ABLIM1: variants seen among roughly 807,000 people sequenced by gnomAD.
The protein encoded by ABLIM1 is actin-binding LIM protein 1.
A neutral mutation model predicts 107.0 loss-of-function variants in ABLIM1; 40 were observed. The ratio of observed to expected loss-of-function variants is 0.37; its 90% CI spans 0.29 to 0.49. ABLIM1 has a LOEUF of 0.49. Ranked by LOEUF, ABLIM1 falls within the 20% of genes least tolerant of loss-of-function variation. The pLI, the probability that ABLIM1 is intolerant of heterozygous loss-of-function variation, is 0.97. For missense variants in ABLIM1, 857 were observed against 1,008.5 expected (o/e 0.85, Z 2.04); for synonymous variants, 357 against 357.3 (o/e 1.00, Z 0.01).
the ABLIM1 span, among the ~76,000 whole-genome samples, chr10:114,790,516 T>C: frequency 6.6e-6 from 1 of 152,222 alleles, no homozygotes; most frequent in African/African-American, 2.4e-5. Context: ...CAAGGCCCTA[T>C]GGAATACAAA....
intron 2 of ABLIM1, among the ~76,000 whole-genome samples, chr10:114,588,788 A>C (rs2074485763): frequency 6.6e-6 from 1 of 152,036 alleles, no homozygotes; most frequent in Non-Finnish European, 1.5e-5. Flanking sequence ...TACAGGCATG[A>C]GTCACCGCGT....
chr10:114,496,510 C>T (rs547254249), intron 6 of ABLIM1, among the ~76,000 whole-genome samples: 4 of 134,792 alleles, frequency 3.0e-5, no homozygotes, highest in South Asian at 2.5e-4. Context: ...GGGAGGGTGG[C>T]GGGGGAAGAG....
chr10:114,448,605 T>G (rs2061400867), intron 14 of ABLIM1, among the ~76,000 whole-genome samples: 2 of 90,150 alleles, frequency 2.2e-5, no homozygotes, highest in South Asian at 5.6e-4. Flanking sequence ...GATCATTCTT[T>G]TATTATTATT....
chr10:114,491,287 G>A (rs964026835), intron 7 of ABLIM1, among the ~76,000 whole-genome samples: 3 of 151,898 alleles, frequency 2.0e-5, no homozygotes, highest in African/African-American at 7.2e-5. Flanking sequence ...GGTGAAACAA[G>A]TCTGTGACGT....
intron 2 of ABLIM1, among the ~76,000 whole-genome samples, chr10:114,595,302 C>G (rs1389505449): frequency 1.3e-5 from 2 of 152,198 alleles, no homozygotes; most frequent in African/African-American, 4.8e-5. Context: ...AAATGCCAGA[C>G]AGTGCTAATT....
intron 1 of ABLIM1, among the ~76,000 whole-genome samples, chr10:114,620,237 T>A (rs2077381538): frequency 6.6e-6 from 1 of 152,186 alleles, no homozygotes; most frequent in African/African-American, 2.4e-5. Flanking sequence ...TATTGCTTCA[T>A]GTGAGTTTTA....
chr10:114,738,112 G>A (rs1010655055), intron 1 of ABLIM1, among the ~76,000 whole-genome samples: 2 of 152,104 alleles, frequency 1.3e-5, no homozygotes, highest in Non-Finnish European at 2.9e-5. Flanking sequence ...GCAGTGGCGC[G>A]ATCTTGGCTC....
At chr10:114,695,879 G>A (rs1270828207) in intron 1 of ABLIM1, among the ~76,000 whole-genome samples, 1 of 152,062 alleles carries the variant, frequency 6.6e-6, no homozygotes, top group East Asian at 1.9e-4. Flanking sequence ...AGTTTCTTTG[G>A]GAAAACAGAG....
intron 1 of ABLIM1, among the ~76,000 whole-genome samples, chr10:114,697,923 G>A (rs2081229163): frequency 6.6e-6 from 1 of 152,066 alleles, no homozygotes; most frequent in Admixed American, 6.5e-5. Context: ...ATATACTGAA[G>A]ATTACATTTT....
intron 3 of ABLIM1, 108 bp downstream of exon 3, chr10:114,575,308 A>G: frequency 8.2e-7 from 1 of 1,218,346 alleles, no homozygotes; most frequent in Non-Finnish European, 1.2e-6. Flanking sequence ...TAAGGATAAG[A>G]GTATGTGCTA....
In ABLIM1 at chr10:114,515,756, TAAG is replaced by T. The variant is rs2062715784; in HGVS notation, c.895-23881_895-23879del. ...TAATCCACTATGACTGATGTCCTTA[TAAG>T]AACAGAAGAGGGAGGGAGACAGACA... is the stretch of plus-strand genomic sequence containing the variant. On this transcript the variant is annotated intron_variant, in intron 6 of 22. Transcript: ENST00000533213. Among the ~76,000 whole-genome samples, 5 of 152,314 alleles carry T rather than the reference TAAG, an allele frequency of 3.3e-5. No homozygotes were observed. In the South Asian group the frequency reaches 1.0e-3, roughly 32 times the overall value.
chr10:114,567,690 G>A (rs2901044), intron 4 of ABLIM1, among the ~76,000 whole-genome samples: 26,843 of 152,116 alleles, frequency 0.18, 3,328 homozygotes, highest in East Asian at 0.56. Flanking sequence ...CACTTTGCTC[G>A]TATTTCTCTA....
At chr10:114,610,825 G>T (rs1045778771) in intron 1 of ABLIM1, 1 of 152,206 alleles carries the variant, frequency 6.6e-6, no homozygotes, top group Admixed American at 6.6e-5. Flanking sequence ...ACAATGGTGG[G>T]CTTCCCTGCC....
At chr10:114,543,822 G>C (rs2066984037) in intron 6 of ABLIM1, among the ~76,000 whole-genome samples, 1 of 152,166 alleles carries the variant, frequency 6.6e-6, no homozygotes, top group Non-Finnish European at 1.5e-5. Flanking sequence ...TCACCTCTGA[G>C]CCTCTGCAGG....
chr10:114,788,346 A>T, the ABLIM1 span, among the ~76,000 whole-genome samples: 1 of 68,868 alleles, frequency 1.5e-5, no homozygotes, highest in Admixed American at 1.7e-4. Context: ...AAAAAAAAAA[A>T]AATAAATAAA....
chr10:114,724,793 T>C (rs1305046920), intron 1 of ABLIM1, among the ~76,000 whole-genome samples: 1 of 152,210 alleles, frequency 6.6e-6, no homozygotes, highest in South Asian at 2.1e-4. Flanking sequence ...AAGAAGGCTA[T>C]GAGGCCAGGG....
chr10:114,694,392 A>G (rs1392737923), intron 1 of ABLIM1, among the ~76,000 whole-genome samples: 1 of 152,206 alleles, frequency 6.6e-6, no homozygotes, highest in African/African-American at 2.4e-5. Flanking sequence ...AAATGTGACA[A>G]AAACCTAAAG....
intron 1 of ABLIM1, among the ~76,000 whole-genome samples, chr10:114,634,141 T>TTTTTTTTTTTTTTTTC (rs2078349353): frequency 9.9e-6 from 1 of 101,216 alleles, no homozygotes; most frequent in Non-Finnish European, 2.0e-5. Context: ...TTTTTTTTTT[T>TTTTTTTTTTTTTTTTC]TTTTTTTTTG....
At chr10:114,667,656 G>A (rs1222554130) in intron 1 of ABLIM1, among the ~76,000 whole-genome samples, 1 of 152,202 alleles carries the variant, frequency 6.6e-6, no homozygotes, top group African/African-American at 2.4e-5. Context: ...ACTGCAGAAA[G>A]TTCCTCTGTG....
Sources: allele counts gnomAD v4.1 joint callset (sites outside exome capture counted in the v4.1 genomes callset), GRCh38; gene constraint gnomAD v4.1.1; transcripts MANE v1.5; gene names NCBI Gene and HGNC (gene_info 2026-07-23, HGNC 2026-07-21).